The following CDH26 variants were observed in gnomAD, a reference collection of about 807,000 sequenced individuals.
CDH26 encodes cadherin-like protein 26.
Under a neutral mutation model 90.3 loss-of-function variants are expected in CDH26, and 83 were observed. The observed-to-expected ratio is 0.92, with a 90% CI of 0.77 to 1.10. The LOEUF (loss-of-function observed/expected upper bound fraction) is 1.10, where lower values mean the gene tolerates loss of function less well. CDH26 is among the 50% of genes least tolerant of loss of function. CDH26 has a pLI of 0.00. For synonymous variants in CDH26, 397 were observed against 396.3 expected, an observed-to-expected ratio of 1.00 and a Z score of -0.02; for missense variants, 1,013 against 1,037.6, an observed-to-expected ratio of 0.98 and a Z score of 0.33.
At chr20:59,984,870 G>A in intron 6 of CDH26, 65 bp downstream of exon 6, 1 of 1,568,002 alleles carries the variant, frequency 6.4e-7, no homozygotes, top group Non-Finnish European at 8.7e-7. Flanking sequence ...CCCAGGCTTA[G>A]ATTCTACATT....
chr20:59,979,024 A>G (rs1310111292), intron 4 of CDH26, among the ~76,000 whole-genome samples: 1 of 151,876 alleles, frequency 6.6e-6, no homozygotes, highest in Non-Finnish European at 1.5e-5. Flanking sequence ...TCAACCCTTA[A>G]CCCCTGGAAA....
intron 4 of CDH26, among the ~76,000 whole-genome samples, chr20:59,973,981 C>T (rs1055070737): frequency 1.3e-5 from 2 of 152,228 alleles, no homozygotes; most frequent in East Asian, 3.8e-4. Context: ...CTGTCTTCCA[C>T]AATGGTTGAA....
chr20:59,984,518 A>G, intron 5 of CDH26, 121 bp from the exon 6 acceptor site: 2 of 682,158 alleles, frequency 2.9e-6, no homozygotes, highest in East Asian at 5.4e-5. Context: ...TTTATTTTAT[A>G]TTTAAACATT....
intron 7 of CDH26, among the ~76,000 whole-genome samples, chr20:60,020,325 A>T (rs1191825884): frequency 1.3e-5 from 2 of 152,186 alleles, no homozygotes; most frequent in Non-Finnish European, 2.9e-5. Context: ...AGATGGGGGC[A>T]CATGGTTTCT....
In CDH26 at chr20:60,013,000, T is replaced by C; in HGVS notation, c.*270T>C. ...GAATTTAATTGTGTTATTCTTAGCT[T>C]CCACTGGCAGCCTAGCTTTGAGGGT... On this transcript the variant is annotated 3_prime_UTR_variant, in exon 18 of 18. Transcript: ENST00000348616. 3.1e-6 allele frequency: 1 copy of C among 325,926 alleles called. No homozygotes were observed. The highest frequency in any genetic ancestry group is 5.7e-6 in the Non-Finnish European group (1 of 176,960). The allele number at this position is 325,926 out of a possible 1,614,324, so 20.2% of individuals were successfully genotyped here. A position where few individuals can be genotyped will look rare whatever the true frequency, so the allele number is the denominator to read the frequency against.
intron 10 of CDH26, 131 bp from the exon 11 acceptor site, chr20:59,994,119 C>T: frequency 8.4e-7 from 1 of 1,186,098 alleles, no homozygotes; most frequent in Non-Finnish European, 1.2e-6. Flanking sequence ...GCCAGGAGAG[C>T]TTATGACGTT....
At chr20:59,978,501 G>A (rs963363588) in intron 4 of CDH26, among the ~76,000 whole-genome samples, 3 of 151,146 alleles carry the variant, frequency 2.0e-5, no homozygotes, top group Admixed American at 6.6e-5. Flanking sequence ...TCAGCCTCCC[G>A]AGTAGTGGGA....
intron 4 of CDH26, among the ~76,000 whole-genome samples, chr20:59,975,320 T>C (rs1335039022): frequency 6.6e-6 from 1 of 151,856 alleles, no homozygotes; most frequent in Admixed American, 6.6e-5. Context: ...CAGGTGAAGG[T>C]GGAGGCAGAG....
chr20:59,995,284 G>T (rs1399761832), intron 11 of CDH26, among the ~76,000 whole-genome samples: 2 of 152,170 alleles, frequency 1.3e-5, no homozygotes, highest in Non-Finnish European at 2.9e-5. Context: ...TTACACTGGG[G>T]ACTTCTGGTC....
At chr20:59,999,754 T>C in intron 14 of CDH26, 91 bp downstream of exon 14, 2 of 1,182,610 alleles carry the variant, frequency 1.7e-6, no homozygotes, top group East Asian at 2.4e-5. Context: ...CTCCTCCCAG[T>C]GCCACATCCA....
intron 4 of CDH26, among the ~76,000 whole-genome samples, chr20:59,975,489 G>A (rs1042550352): frequency 6.6e-6 from 1 of 152,188 alleles, no homozygotes; most frequent in African/African-American, 2.4e-5. Flanking sequence ...TAAGTTCCTA[G>A]TGTAAGCCAT....
chr20:60,008,303 C>G (rs1806513998), intron 17 of CDH26, among the ~76,000 whole-genome samples: 1 of 152,176 alleles, frequency 6.6e-6, no homozygotes. Context: ...GCACATCAGC[C>G]TATTGGGGGA....
intron 4 of CDH26, among the ~76,000 whole-genome samples, chr20:59,975,727 C>T (rs1306394090): frequency 6.6e-6 from 1 of 152,176 alleles, no homozygotes; most frequent in East Asian, 1.9e-4. Flanking sequence ...CTTTGGCAGT[C>T]CATCAAGATA....
chr20:59,978,378 CT>C (rs112134656), intron 4 of CDH26, among the ~76,000 whole-genome samples: 2,532 of 143,222 alleles, frequency 0.018, 20 homozygotes, highest in Middle Eastern at 0.049. Flanking sequence ...TTTATACTTA[CT>C]TTTTTTTTTT....
chr20:59,966,963 C>T (rs1234222424), intron 1 of CDH26, among the ~76,000 whole-genome samples: 2 of 151,232 alleles, frequency 1.3e-5, no homozygotes, highest in Non-Finnish European at 2.9e-5. Flanking sequence ...CATCCTCCCC[C>T]AAAATGAAAA....
Position 60,026,390 on chromosome 20 carries a change from T to TAGAGAGAGAGAGAG in CDH26, c.948-4818_948-4805dup, listed in dbSNP as rs60922926. Reference sequence around the variant, plus strand: ...GTGGAGACAGCTCTCTGGCTGGAGTTAGAGAGAGAGAGAGAGAGAGAGAGA... The same window carrying TAGAGAGAGAGAGAG: ...GTGGAGACAGCTCTCTGGCTGGAGTTAGAGAGAGAGAGAGAGAGAGAGAGAGAGAGAGAGAGAGA... On this transcript the variant is annotated intron_variant, in intron 7 of 8. Transcript: ENST00000370991. Among the ~76,000 whole-genome samples, 496 of 139,340 alleles carry TAGAGAGAGAGAGAG rather than the reference T, an allele frequency of 3.6e-3. 4 individuals carry two copies. The highest frequency in any genetic ancestry group is 7.8e-3 in the African/African-American group (286 of 36,594). 91.4% of individuals were successfully genotyped at this position (139,340 alleles called of 152,430 possible).
intron 8 of CDH26, 27 bp downstream of exon 8, chr20:59,987,665 C>T (rs2061476624): frequency 6.3e-7 from 1 of 1,576,632 alleles, no homozygotes; most frequent in Non-Finnish European, 8.6e-7. Flanking sequence ...GACATACCAA[C>T]CAGTTAGTGG....
chr20:60,027,690 C>G (rs57003339), intron 7 of CDH26, among the ~76,000 whole-genome samples: 1 of 152,128 alleles, frequency 6.6e-6, no homozygotes, highest in Non-Finnish European at 1.5e-5. Flanking sequence ...TATTGCTGGC[C>G]GACAGCAGGA....
At chr20:59,996,203 G>T in intron 12 of CDH26, 149 bp downstream of exon 12, 1 of 1,014,794 alleles carries the variant, frequency 9.9e-7, no homozygotes, top group Non-Finnish European at 1.4e-6. Context: ...CAGGCTCCTA[G>T]ATGTAGATCA....
Sources: allele counts gnomAD v4.1 joint callset (sites outside exome capture counted in the v4.1 genomes callset), GRCh38; gene constraint gnomAD v4.1.1; transcripts MANE v1.5; gene names NCBI Gene and HGNC (gene_info 2026-07-23, HGNC 2026-07-21).